Variants in MAN1C1 observed in about 807,000 individuals in gnomAD.
MAN1C1 encodes mannosidase alpha class 1C member 1, also known as mannosyl-oligosaccharide 1,2-alpha-mannosidase IC.
Under a neutral mutation model 71.5 loss-of-function variants are expected in MAN1C1, and 49 were observed. The observed-to-expected ratio is 0.69, with a 90% CI of 0.54 to 0.87. The LOEUF (loss-of-function observed/expected upper bound fraction) is 0.87, where lower values mean the gene tolerates loss of function less well. MAN1C1 is among the 40% of genes least tolerant of loss of function. The pLI is 0.00. For missense variants in MAN1C1, 743 were observed against 835.0 expected (o/e 0.89, Z 1.36); for synonymous variants, 352 against 343.7 (o/e 1.02, Z -0.27).
rs2046967062 is a variant in MAN1C1, at chr1:25,735,243, CCCCA to C, written c.638-11422_638-11419del. Among the ~76,000 whole-genome samples the C allele has an allele frequency of 1.3e-5, 2 of 152,262 alleles. No homozygotes were observed. Among genetic ancestry groups the C allele is most frequent in the Admixed American group, 1.3e-4 (2 of 15,302 alleles). ...GACAAGCCTGGCCAACATGGCGAAT[CCCCA>C]CCTCTGCCAAAAACACAAAAATTAG... On this transcript the variant is annotated intron_variant, in intron 2 of 11. Transcript: ENST00000374332. This position sits in a 1 kb window ranked among gnomAD's most constrained non-coding sequence, Gnocchi z 4.6.
At chr1:25,731,954 A>T (rs753935047) in intron 2 of MAN1C1, among the ~76,000 whole-genome samples, 2 of 152,168 alleles carry the variant, frequency 1.3e-5, no homozygotes, top group African/African-American at 4.8e-5. Flanking sequence ...GGCTCCAAAG[A>T]TGCATCTGGC....
chr1:25,732,631 C>T (rs997039052), intron 2 of MAN1C1, among the ~76,000 whole-genome samples: 37 of 152,298 alleles, frequency 2.4e-4, no homozygotes, highest in Admixed American at 1.1e-3. Context: ...GTCTTGCTCC[C>T]ACTGTGGAGG....
intron 1 of MAN1C1, chr1:25,645,231 G>A (rs981009247): frequency 6.6e-6 from 1 of 152,428 alleles, no homozygotes; most frequent in Non-Finnish European, 1.5e-5. Context: ...ATCTTCTGAC[G>A]TTGGTCAAGG....
At chr1:25,723,720 A>T (rs910738182) in intron 2 of MAN1C1, among the ~76,000 whole-genome samples, 11 of 152,198 alleles carry the variant, frequency 7.2e-5, no homozygotes, top group African/African-American at 2.4e-4. Flanking sequence ...GTAGAGTGGG[A>T]CAAAAGATCC....
intron 2 of MAN1C1, among the ~76,000 whole-genome samples, chr1:25,698,026 T>G (rs1287428571): frequency 6.6e-6 from 1 of 152,170 alleles, no homozygotes; most frequent in East Asian, 1.9e-4. Context: ...CTAGAGATGG[T>G]CCCTGCTCTT....
intron 2 of MAN1C1, among the ~76,000 whole-genome samples, chr1:25,696,736 T>C (rs1256885478): frequency 2.0e-5 from 3 of 152,128 alleles, no homozygotes; most frequent in Non-Finnish European, 2.9e-5. Context: ...AGCCTCTAAC[T>C]CCTGGGCTCA....
chr1:25,630,229 G>C (rs1163607900), intron 1 of MAN1C1, among the ~76,000 whole-genome samples: 1 of 151,956 alleles, frequency 6.6e-6, no homozygotes, highest in Non-Finnish European at 1.5e-5. Context: ...CTTTATCTAT[G>C]GGTTCTCTAT....
chr1:25,720,746 T>A (rs1440705131), intron 2 of MAN1C1, among the ~76,000 whole-genome samples: 2 of 152,220 alleles, frequency 1.3e-5, no homozygotes, highest in Non-Finnish European at 2.9e-5. Flanking sequence ...ATCCATTGCC[T>A]TACCCAAGGT....
At position 25,619,767 on chromosome 1, in the gene MAN1C1, C is replaced by T. The variant is rs1048867375; in HGVS notation, c.540+1430C>T. On this transcript the variant is annotated intron_variant, in intron 1 of 11. Coordinates refer to ENST00000374332, the MANE Select transcript of MAN1C1 (RefSeq NM_020379.4). Reference sequence around the variant, plus strand: ...TTCTCCCTTTCTTGTTAAGGAACTACGCTGTTGAATACTCACTTGGACCAC... The same window carrying T: ...TTCTCCCTTTCTTGTTAAGGAACTATGCTGTTGAATACTCACTTGGACCAC... Among the ~76,000 whole-genome samples, 12 of 152,166 alleles carry T rather than the reference C, an allele frequency of 7.9e-5. No individual in the cohort carries two copies. In the South Asian group the frequency reaches 8.3e-4, roughly 11 times the overall value.
intron 7 of MAN1C1, among the ~76,000 whole-genome samples, chr1:25,768,258 CTCACACACA>C (rs368881862): frequency 4.3e-4 from 23 of 53,752 alleles, no homozygotes; most frequent in Non-Finnish European, 5.6e-4. Flanking sequence ...CCACACTCCC[CTCACACACA>C]TCACATACAT....
intron 1 of MAN1C1, among the ~76,000 whole-genome samples, chr1:25,624,608 G>A (rs1381729595): frequency 1.3e-5 from 2 of 152,174 alleles, no homozygotes; most frequent in South Asian, 2.1e-4. Context: ...ATTAGTGCCC[G>A]CCTTGATAGA....
chr1:25,727,686 C>G (rs180837238), intron 2 of MAN1C1, among the ~76,000 whole-genome samples: 4 of 152,370 alleles, frequency 2.6e-5, no homozygotes, highest in East Asian at 3.9e-4. Flanking sequence ...ACCCTGTCCC[C>G]CTGTGGGGTC....
At chr1:25,706,356 G>A (rs1388870154) in intron 2 of MAN1C1, among the ~76,000 whole-genome samples, 1 of 152,158 alleles carries the variant, frequency 6.6e-6, no homozygotes, top group Non-Finnish European at 1.5e-5. Flanking sequence ...TGGATTCTCA[G>A]TCCCTGGGAG....
rs1177220265 is a variant in MAN1C1 at position 25,711,038 on chromosome 1, TG to T, written c.637+24503del. Among the ~76,000 whole-genome samples, 3 of 152,220 alleles carry T rather than the reference TG, an allele frequency of 2.0e-5. No individual in the cohort carries two copies. Among genetic ancestry groups the T allele is most frequent in the African/African-American group, 4.8e-5 (2 of 41,462 alleles). ...TAAACAAAGACCATTTATTATTTCT[TG>T]AGTCTGTGGGTCTTAGCTAGGCCAG... On this transcript the variant is annotated intron_variant, in intron 2 of 11. Coordinates refer to ENST00000374332, the MANE Select transcript of MAN1C1 (RefSeq NM_020379.4). This position sits in a 1 kb window ranked among gnomAD's most constrained non-coding sequence, Gnocchi z 4.3.
In MAN1C1 at chr1:25,617,684, A is replaced by G. The variant is rs1023961733; in HGVS notation, c.-114A>G. Reference sequence around the variant, plus strand: ...AGCGGCGAAACTCTCAGGGTTGGCAACCCTGCCCAGGGACCCCCATCCCGG... The same window carrying G: ...AGCGGCGAAACTCTCAGGGTTGGCAGCCCTGCCCAGGGACCCCCATCCCGG... On this transcript the variant is annotated 5_prime_UTR_variant, in exon 1 of 12. Transcript: ENST00000374332. This position sits in a 1 kb window ranked among gnomAD's most constrained non-coding sequence, Gnocchi z 5.1. 8.2e-6 allele frequency: 8 copies of G among 979,026 alleles called. No homozygotes were observed. The highest frequency in any genetic ancestry group is 1.2e-5 in the Non-Finnish European group (8 of 688,958). 60.6% of individuals were successfully genotyped at this position (979,026 alleles called of 1,614,324 possible). A position where few individuals can be genotyped will look rare whatever the true frequency, so the allele number is the denominator to read the frequency against.
At chr1:25,658,353 G>C (rs927077993) in intron 1 of MAN1C1, among the ~76,000 whole-genome samples, 4 of 152,190 alleles carry the variant, frequency 2.6e-5, no homozygotes, top group African/African-American at 9.7e-5. Flanking sequence ...GACCCTAAGG[G>C]CTAGCATGAG....
intron 6 of MAN1C1, chr1:25,760,428 T>G (rs1419944937): frequency 1.3e-5 from 2 of 152,200 alleles, no homozygotes; most frequent in Non-Finnish European, 2.9e-5. Flanking sequence ...CTGTCTCCTC[T>G]ACATTTACAT....
intron 2 of MAN1C1, chr1:25,709,661 A>C (rs2046576302): frequency 1.3e-5 from 2 of 152,178 alleles, no homozygotes; most frequent in Non-Finnish European, 2.9e-5. Flanking sequence ...AAGATTCCTC[A>C]CCAATGCCTG....
rs1160965551 is a variant in MAN1C1 at position 25,779,633 on chromosome 1, G to C, written c.1478-1307G>C. Among the ~76,000 whole-genome samples, 1 of 152,086 alleles carries C rather than the reference G, an allele frequency of 6.6e-6. No individual in the cohort carries two copies. Among genetic ancestry groups the C allele is most frequent in the Non-Finnish European group, 1.5e-5 (1 of 68,016 alleles). On this transcript the variant is annotated intron_variant, in intron 9 of 11. Coordinates refer to ENST00000374332, the MANE Select transcript of MAN1C1 (RefSeq NM_020379.4). The surrounding 1 kb of genome is among the most constrained non-coding windows in gnomAD (Gnocchi z 4.6). ...AAAGCATATTGTTCTAGCCAGCCTC[G>C]GCTTGTCCTGTGGACGCCTGTAGCA...
Sources: gnomAD v4.1 joint callset for allele counts (sites outside exome capture counted in the v4.1 genomes callset) on GRCh38, gnomAD v4.1.1 for gene constraint, Gnocchi (gnomAD v3.1) non-coding constraint, MANE v1.5 for transcripts, NCBI Gene and HGNC (gene_info 2026-07-23, HGNC 2026-07-21) for gene names.